Variants in EPHA3 observed in about 807,000 individuals in gnomAD.
The protein encoded by EPHA3 is ephrin type-A receptor 3.
EPHA3 carries 42 observed loss-of-function variants against 107.1 expected under a neutral mutation model. That is an observed-to-expected ratio of 0.39 (90% confidence interval 0.31 to 0.51). The LOEUF (loss-of-function observed/expected upper bound fraction) is 0.51. EPHA3 is among the 20% of genes least tolerant of loss of function. The pLI is 0.78. For missense variants in EPHA3, 1,183 were observed against 1,211.2 expected (o/e 0.98, Z 0.35); for synonymous variants, 461 against 424.8 (o/e 1.09, Z -1.05).
chr3:89,328,153 C>T (rs929632620), intron 3 of EPHA3, among the ~76,000 whole-genome samples: 1 of 151,898 alleles, frequency 6.6e-6, no homozygotes, highest in Non-Finnish European at 1.5e-5. Context: ...TGCAATCTCA[C>T]TTTATTACTT....
chr3:89,161,993 A>G (rs1246840505), intron 2 of EPHA3, among the ~76,000 whole-genome samples: 7 of 150,210 alleles, frequency 4.7e-5, no homozygotes, highest in African/African-American at 1.7e-4. Context: ...AATAATAATA[A>G]TAATAGTAAT....
At chr3:89,381,097 A>G (rs1477033697) in intron 5 of EPHA3, among the ~76,000 whole-genome samples, 1 of 151,984 alleles carries the variant, frequency 6.6e-6, no homozygotes, top group South Asian at 2.1e-4. Flanking sequence ...CTCAGCCTCC[A>G]GAGTAGCTGG....
chr3:89,351,135 T>C (rs1053648179), intron 5 of EPHA3, among the ~76,000 whole-genome samples: 3 of 151,266 alleles, frequency 2.0e-5, no homozygotes, highest in Non-Finnish European at 4.4e-5. Flanking sequence ...TGAACTGTGG[T>C]GGGCTCCACC....
intron 3 of EPHA3, among the ~76,000 whole-genome samples, chr3:89,314,652 A>G (rs1418177089): frequency 6.6e-6 from 1 of 151,964 alleles, no homozygotes; most frequent in Non-Finnish European, 1.5e-5. Flanking sequence ...GCTATCTGGC[A>G]CCTAGATGGC....
chr3:89,168,191 T>G (rs1471936880), intron 2 of EPHA3, among the ~76,000 whole-genome samples: 1 of 152,170 alleles, frequency 6.6e-6, no homozygotes, highest in Non-Finnish European at 1.5e-5. Context: ...TATTTTTGGC[T>G]TGCCTGATTT....
chr3:89,411,154 G>A (rs1301741864), intron 9 of EPHA3, among the ~76,000 whole-genome samples: 2 of 151,474 alleles, frequency 1.3e-5, no homozygotes, highest in South Asian at 2.1e-4. Flanking sequence ...CTAGGCATTT[G>A]AATAGTATAG....
At chr3:89,474,513 C>T (rs74401715) in intron 16 of EPHA3, among the ~76,000 whole-genome samples, 10,068 of 152,134 alleles carry the variant, frequency 0.066, 400 homozygotes, top group Middle Eastern at 0.11. Context: ...AGAAGCATAG[C>T]GAAAAGCAAA....
intron 2 of EPHA3, among the ~76,000 whole-genome samples, chr3:89,195,392 C>T (rs1705815735): frequency 6.6e-6 from 1 of 152,026 alleles, no homozygotes; most frequent in Non-Finnish European, 1.5e-5. Context: ...TATTGAACCC[C>T]CTCCTAAGCT....
At chr3:89,132,759 C>A (rs1704233062) in intron 2 of EPHA3, among the ~76,000 whole-genome samples, 1 of 152,230 alleles carries the variant, frequency 6.6e-6, no homozygotes, top group Admixed American at 6.5e-5. Flanking sequence ...GAGTGGTGGC[C>A]TTCACCTGTA....
intron 15 of EPHA3, among the ~76,000 whole-genome samples, chr3:89,454,745 T>C (rs1710062878): frequency 6.6e-6 from 1 of 152,184 alleles, no homozygotes. Flanking sequence ...CAATACCAGC[T>C]ATTCAGGAGA....
intron 2 of EPHA3, among the ~76,000 whole-genome samples, chr3:89,138,675 A>G (rs1388197528): frequency 6.6e-6 from 1 of 151,882 alleles, no homozygotes; most frequent in Non-Finnish European, 1.5e-5. Flanking sequence ...AGGGCACTGT[A>G]AAAGTTCCCA....
At chr3:89,337,058 C>CAA (rs1329885298) in intron 3 of EPHA3, among the ~76,000 whole-genome samples, 1 of 127,820 alleles carries the variant, frequency 7.8e-6, no homozygotes, top group Non-Finnish European at 1.6e-5. Context: ...GACCCTGGCT[C>CAA]AAAAAAAGAA....
intron 3 of EPHA3, among the ~76,000 whole-genome samples, chr3:89,219,115 A>G (rs1030568563): frequency 6.6e-6 from 1 of 152,152 alleles, no homozygotes; most frequent in African/African-American, 2.4e-5. Context: ...TTAAGGTTTC[A>G]ATCTCCATGG....
At chr3:89,429,608 A>T (rs1341574698) in intron 12 of EPHA3, among the ~76,000 whole-genome samples, 3 of 152,138 alleles carry the variant, frequency 2.0e-5, no homozygotes, top group Non-Finnish European at 4.4e-5. Flanking sequence ...ATGCTAAAGT[A>T]TATATAGTTT....
chr3:89,246,144 A>T (rs889350930), intron 3 of EPHA3, among the ~76,000 whole-genome samples: 3 of 152,202 alleles, frequency 2.0e-5, no homozygotes, highest in African/African-American at 7.2e-5. Context: ...ATGATATGTG[A>T]TAGTTAAAAT....
intron 3 of EPHA3, among the ~76,000 whole-genome samples, chr3:89,227,009 T>C (rs971497889): frequency 6.6e-6 from 1 of 151,922 alleles, no homozygotes; most frequent in Non-Finnish European, 1.5e-5. Context: ...AGAGAGCACA[T>C]ACACCTTACA....
At chr3:89,328,822 A>G (rs925005349) in intron 3 of EPHA3, among the ~76,000 whole-genome samples, 1 of 152,194 alleles carries the variant, frequency 6.6e-6, no homozygotes, top group African/African-American at 2.4e-5. Context: ...AATGCTAGGC[A>G]TGGAGTAGGT....
chr3:89,324,882 T>C (rs1707131006), intron 3 of EPHA3, among the ~76,000 whole-genome samples: 2 of 152,110 alleles, frequency 1.3e-5, no homozygotes, highest in Admixed American at 1.3e-4. Context: ...GTCCCCAATG[T>C]CTATTGTAGC....
intron 5 of EPHA3, among the ~76,000 whole-genome samples, chr3:89,366,494 G>A (rs1417226585): frequency 6.6e-6 from 1 of 150,854 alleles, no homozygotes; most frequent in Non-Finnish European, 1.5e-5. Context: ...TACAAAGTAA[G>A]CAATTGACCA....
Sources: gnomAD v4.1 joint callset for allele counts (sites outside exome capture counted in the v4.1 genomes callset) on GRCh38, gnomAD v4.1.1 for gene constraint, MANE v1.5 for transcripts, NCBI Gene and HGNC (gene_info 2026-07-23, HGNC 2026-07-21) for gene names.